The following FAM184A variants were observed in gnomAD, a reference collection of about 807,000 sequenced individuals.
FAM184A encodes protein FAM184A.
FAM184A carries 99 observed loss-of-function variants against 143.8 expected under a neutral mutation model. That is an observed-to-expected ratio of 0.69 (90% confidence interval 0.58 to 0.81). FAM184A has a LOEUF of 0.81. FAM184A is among the 40% of genes least tolerant of loss of function. The pLI is 0.00. For synonymous variants in FAM184A, 427 were observed against 446.4 expected, an observed-to-expected ratio of 0.96 and a Z score of 0.55; for missense variants, 1,217 against 1,310.5, an observed-to-expected ratio of 0.93 and a Z score of 1.10.
At chr6:119,008,402 T>C (rs943810601) in intron 6 of FAM184A, among the ~76,000 whole-genome samples, 1 of 152,108 alleles carries the variant, frequency 6.6e-6, no homozygotes, top group Admixed American at 6.5e-5. Context: ...CCAGAAAAGG[T>C]TTTTTGCCAG....
At chr6:119,015,063 CAA>C (rs59729668) in intron 5 of FAM184A, among the ~76,000 whole-genome samples, 8 of 124,836 alleles carry the variant, frequency 6.4e-5, no homozygotes, top group Admixed American at 2.5e-4. Context: ...GACTCTGTCT[CAA>C]AAAAAAAAAA....
chr6:118,986,885 G>T (rs947404860), intron 9 of FAM184A, among the ~76,000 whole-genome samples: 2 of 152,186 alleles, frequency 1.3e-5, no homozygotes, highest in Admixed American at 6.5e-5. Flanking sequence ...CTGCTAAAAA[G>T]AATTTCTAAA....
rs553784737 is a variant in FAM184A, at chr6:119,052,669, A to T, written c.159+25472T>A. On this transcript the variant is annotated intron_variant, in intron 1 of 17. Coordinates refer to ENST00000338891, the MANE Select transcript of FAM184A (RefSeq NM_024581.6). ...CAGAGTTGTATCTGATCTGATTCCC[A>T]CTCCTGATTTAAGCTGGCAGCCACT... is the stretch of plus-strand genomic sequence containing the variant. Among the ~76,000 whole-genome samples the T allele has an allele frequency of 7.9e-5, 12 of 152,184 alleles. 1 individual carries two copies. In the South Asian group the frequency reaches 1.7e-3, roughly 21 times the overall value.
chr6:119,045,240 G>T (rs1466447177), intron 1 of FAM184A, among the ~76,000 whole-genome samples: 5 of 151,314 alleles, frequency 3.3e-5, no homozygotes, highest in Non-Finnish European at 5.9e-5. Flanking sequence ...AATGAGAAAA[G>T]GAAGGCTGTT....
At chr6:119,090,216 G>T (rs557271714) in intron 1 of FAM184A, among the ~76,000 whole-genome samples, 1 of 152,302 alleles carries the variant, frequency 6.6e-6, no homozygotes, top group African/African-American at 2.4e-5. Context: ...TTACCACTTT[G>T]GTCAATTGGG....
intron 1 of FAM184A, among the ~76,000 whole-genome samples, chr6:119,073,526 G>A (rs1787766287): frequency 6.6e-6 from 1 of 152,166 alleles, no homozygotes; most frequent in Admixed American, 6.5e-5. Flanking sequence ...GCTGAGATGT[G>A]TTACTTTCCA....
chr6:119,050,516 G>T, intron 1 of FAM184A, among the ~76,000 whole-genome samples: 1 of 145,828 alleles, frequency 6.9e-6, no homozygotes, highest in Non-Finnish European at 1.5e-5. Flanking sequence ...AAAAAAAAAT[G>T]AGATCATAGG....
Position 119,003,042 on chromosome 6 carries a change from A to G in FAM184A, c.1945T>C (p.Cys649Arg). 1.9e-6 allele frequency: 3 copies of G among 1,595,970 alleles called. No individual in the cohort carries two copies. Among genetic ancestry groups the G allele is most frequent in the South Asian group, 1.1e-5 (1 of 87,454 alleles). Residue 649 changes from cysteine (C) to arginine (R), a missense_variant, in exon 9 of 18, where the codon TGT becomes CGT. Physicochemically the swap from Cys to Arg is radical, Grantham distance 180. Transcript: ENST00000338891. Reference protein sequence around the residue: ...IKWTENLRQECSKLREELRLQ... With the variant: ...IKWTENLRQERSKLREELRLQ... Reference sequence around the variant, plus strand: ...CTTAACTCTTCACGAAGTTTAGAACACTCTTGTCTAAAATAAAACAACTGC... The same window carrying G: ...CTTAACTCTTCACGAAGTTTAGAACGCTCTTGTCTAAAATAAAACAACTGC...
At chr6:119,025,365 G>T in intron 1 of FAM184A, 1 of 479,490 alleles carries the variant, frequency 2.1e-6, no homozygotes, top group Non-Finnish European at 4.1e-6. Flanking sequence ...CCTATAGTTT[G>T]CTTCTAAAGC....
chr6:119,074,226 G>A (rs1015829757), intron 1 of FAM184A, among the ~76,000 whole-genome samples: 2 of 152,146 alleles, frequency 1.3e-5, no homozygotes, highest in Non-Finnish European at 2.9e-5. Context: ...CTTCTTCCTT[G>A]ACCAACTTTG....
rs185794616 is a variant in FAM184A at position 119,084,681 on chromosome 6, G to A, written c.-201-59868C>T. Among the ~76,000 whole-genome samples, 506 of 152,368 alleles carry A rather than the reference G, an allele frequency of 3.3e-3. 6 individuals are homozygous for A. Among genetic ancestry groups the A allele is most frequent in the Admixed American group, 0.019 (295 of 15,308 alleles). On this transcript the variant is annotated intron_variant, in intron 1 of 16. Coordinates refer to the FAM184A transcript ENST00000352896. ...GACTCTGTGTGGGGTTTCCAACCCC[G>A]AATTTCTCCTTGGCACTGCCCTAGT...
chr6:118,961,962 T>G lies in FAM184A; in HGVS notation c.3140A>C (p.Gln1047Pro). Reference sequence around the variant, plus strand: ...TGGTGATTTATCATTCTTCTTCTTTTGCTGCATTAAAAATAATACATGTGA... The same window carrying G: ...TGGTGATTTATCATTCTTCTTCTTTGGCTGCATTAAAAATAATACATGTGA... Reference protein sequence around the residue: ...TVGVINPLAKQKKKNDKSPTN... With the variant: ...TVGVINPLAKPKKKNDKSPTN... Residue 1047 changes from glutamine to proline, a missense_variant and splice_region_variant, in exon 17 of 18, where the codon CAA becomes CCA. Physicochemically the swap from Gln to Pro is moderately conservative, Grantham distance 76 (BLOSUM62 -1). Transcript: ENST00000338891. 6.2e-7 allele frequency: 1 copy of G among 1,613,534 alleles called. No individual in the cohort carries two copies.
chr6:119,102,382 A>G (rs1266669947), intron 1 of FAM184A, among the ~76,000 whole-genome samples: 1 of 152,208 alleles, frequency 6.6e-6, no homozygotes, highest in Non-Finnish European at 1.5e-5. Flanking sequence ...TGTGCTTAAA[A>G]TAATCTCTAC....
Position 118,980,358 on chromosome 6 carries a change from C to T in FAM184A, c.2089-8G>A. ...CTGTTTCAGCAAGGAAATCTATGCC[C>T]CAGAATGGTACACAATGAAGAATAA... On this transcript the variant is annotated splice_polypyrimidine_tract_variant and splice_region_variant and intron_variant, in intron 9 of 17. Coordinates refer to ENST00000338891, the MANE Select transcript of FAM184A (RefSeq NM_024581.6). 6.2e-7 allele frequency: 1 copy of T among 1,609,680 alleles called. No homozygotes were observed. The highest frequency in any genetic ancestry group is 8.5e-7 in the Non-Finnish European group (1 of 1,176,652).
intron 1 of FAM184A, among the ~76,000 whole-genome samples, chr6:119,039,824 G>C (rs1436179735): frequency 6.6e-6 from 1 of 152,174 alleles, no homozygotes; most frequent in Non-Finnish European, 1.5e-5. Flanking sequence ...AACGTTAATT[G>C]GATGCAGGCC....
intron 1 of FAM184A, among the ~76,000 whole-genome samples, chr6:119,025,117 G>C (rs1200615876): frequency 6.6e-6 from 1 of 152,152 alleles, no homozygotes; most frequent in Non-Finnish European, 1.5e-5. Context: ...GGACAAAGGA[G>C]GCAATTGGCC....
chr6:119,026,093 T>C (rs1193193347), intron 1 of FAM184A, among the ~76,000 whole-genome samples: 1 of 152,156 alleles, frequency 6.6e-6, no homozygotes, highest in East Asian at 1.9e-4. Flanking sequence ...TAGGGCTTTG[T>C]CTTCCAGATC....
At chr6:119,088,393 T>C (rs1402250606) in intron 1 of FAM184A, among the ~76,000 whole-genome samples, 1 of 152,204 alleles carries the variant, frequency 6.6e-6, no homozygotes, top group Non-Finnish European at 1.5e-5. Context: ...CTCATGGAGA[T>C]GAAATAGACA....
chr6:119,069,481 C>T (rs1028482679), intron 1 of FAM184A, among the ~76,000 whole-genome samples: 4 of 152,148 alleles, frequency 2.6e-5, no homozygotes, highest in Admixed American at 6.5e-5. Context: ...GACACACATT[C>T]GCCAGAATAA....
Sources: allele counts gnomAD v4.1 joint callset (sites outside exome capture counted in the v4.1 genomes callset), GRCh38; gene constraint gnomAD v4.1.1; transcripts MANE v1.5; gene names NCBI Gene and HGNC (gene_info 2026-07-23, HGNC 2026-07-21).